The following ASTN2 variants were observed in gnomAD, a reference collection of about 807,000 sequenced individuals.
ASTN2 encodes the protein astrotactin 2, also known as astrotactin-2.
Under a neutral mutation model 139.8 loss-of-function variants are expected in ASTN2, and 54 were observed. The observed-to-expected ratio is 0.39, with a 90% CI of 0.31 to 0.48. ASTN2 has a LOEUF of 0.48. Ranked by LOEUF, ASTN2 falls within the 20% of genes least tolerant of loss-of-function variation. The probability of loss-of-function intolerance (pLI) is 0.95; values close to 1 mark genes in which losing one functional copy is unlikely to be tolerated. For missense variants in ASTN2, 1,565 were observed against 1,725.1 expected, an observed-to-expected ratio of 0.91 and a Z score of 1.64; for synonymous variants, 756 against 719.5, an observed-to-expected ratio of 1.05 and a Z score of -0.81.
chr9:116,696,950 TAAAAAAAAA>T (rs11400163), intron 16 of ASTN2, among the ~76,000 whole-genome samples: 1 of 137,124 alleles, frequency 7.3e-6, no homozygotes, highest in African/African-American at 2.7e-5. Context: ...GTGACATGAT[TAAAAAAAAA>T]AAAAAAAGCC....
chr9:116,702,277 T>C (rs1827845964), intron 16 of ASTN2, among the ~76,000 whole-genome samples: 1 of 152,040 alleles, frequency 6.6e-6, no homozygotes, highest in Non-Finnish European at 1.5e-5. Context: ...AAATGATGGC[T>C]GTTACTCTTT....
Position 116,423,660 on chromosome 9 carries a change from C to G in ASTN2, c.*2191G>C, listed in dbSNP as rs532196721. ...CTGTATACTTAGAGAAACATAAACC[C>G]AATAATAGTAAACTTCCTGAAAGAG... On this transcript the variant is annotated 3_prime_UTR_variant, in exon 23 of 23. Transcript: ENST00000313400. Among the ~76,000 whole-genome samples, 1 of 152,214 alleles carries G rather than the reference C, an allele frequency of 6.6e-6. No homozygotes were observed. Among genetic ancestry groups the G allele is most frequent in the East Asian group, 1.9e-4 (1 of 5,188 alleles).
intron 19 of ASTN2, among the ~76,000 whole-genome samples, chr9:116,600,323 CAAAAAAAAAA>C (rs35224783): frequency 8.4e-6 from 1 of 118,944 alleles, no homozygotes; most frequent in Non-Finnish European, 1.7e-5. Context: ...GACCCTGTCT[CAAAAAAAAAA>C]AAAAAAAAAA....
intron 10 of ASTN2, among the ~76,000 whole-genome samples, chr9:116,950,620 TAC>T (rs1325927760): frequency 1.3e-5 from 2 of 152,298 alleles, no homozygotes; most frequent in Admixed American, 6.5e-5. Flanking sequence ...CATGGGAAGT[TAC>T]AGTTTTCCTT....
intron 10 of ASTN2, among the ~76,000 whole-genome samples, chr9:116,914,601 T>C (rs1834395798): frequency 6.6e-6 from 1 of 150,814 alleles, no homozygotes; most frequent in Non-Finnish European, 1.5e-5. Context: ...ACAATCTCAA[T>C]CTCAGTCTTC....
chr9:116,485,747 A>G (rs988357925), intron 20 of ASTN2, among the ~76,000 whole-genome samples: 4 of 152,204 alleles, frequency 2.6e-5, no homozygotes, highest in Non-Finnish European at 5.9e-5. Context: ...CCCCCAGGTG[A>G]CTTAATATAA....
At chr9:117,397,165 A>G (rs1830699795) in intron 1 of ASTN2, among the ~76,000 whole-genome samples, 1 of 150,420 alleles carries the variant, frequency 6.6e-6, no homozygotes, top group South Asian at 2.1e-4. Flanking sequence ...TTGTTCTCCA[A>G]CTCCCAAAGT....
chr9:116,864,232 A>G (rs1304778446), intron 10 of ASTN2, among the ~76,000 whole-genome samples: 1 of 152,198 alleles, frequency 6.6e-6, no homozygotes, highest in Non-Finnish European at 1.5e-5. Flanking sequence ...TTGTGAATAT[A>G]AAATTGAAAC....
intron 4 of ASTN2, among the ~76,000 whole-genome samples, chr9:117,103,804 G>A (rs947119773): frequency 3.3e-5 from 5 of 152,152 alleles, no homozygotes; most frequent in African/African-American, 1.2e-4. Context: ...ACCATCTAGG[G>A]AATACAAATG....
chr9:117,375,082 G>A (rs533926762), intron 1 of ASTN2, among the ~76,000 whole-genome samples: 32 of 152,232 alleles, frequency 2.1e-4, no homozygotes, highest in South Asian at 6.2e-4. Context: ...TTCCCTCCCA[G>A]CACGTTCAGT....
chr9:117,130,945 A>G (rs928356349), intron 4 of ASTN2, among the ~76,000 whole-genome samples: 8 of 152,210 alleles, frequency 5.3e-5, no homozygotes, highest in Admixed American at 2.0e-4. Flanking sequence ...CAGGCAGTCT[A>G]TCTCATATCC....
chr9:116,651,898 T>C (rs1857937246), intron 16 of ASTN2, 105 bp from the exon 17 acceptor site: 1 of 1,384,628 alleles, frequency 7.2e-7, no homozygotes, highest in Non-Finnish European at 9.8e-7. Flanking sequence ...TGGTATCCAT[T>C]GAGGAAGTAA....
intron 10 of ASTN2, among the ~76,000 whole-genome samples, chr9:116,906,620 C>T (rs1834169243): frequency 6.6e-6 from 1 of 152,072 alleles, no homozygotes; most frequent in Admixed American, 6.5e-5. Context: ...CTTATGTGCC[C>T]CTCACCACCT....
At chr9:117,247,118 T>C (rs1017991939) in intron 2 of ASTN2, among the ~76,000 whole-genome samples, 3 of 152,014 alleles carry the variant, frequency 2.0e-5, no homozygotes, top group Non-Finnish European at 4.4e-5. Context: ...ATCCAGAATT[T>C]TGTAGAGAAG....
chr9:116,883,819 C>A (rs541195777), intron 10 of ASTN2, among the ~76,000 whole-genome samples: 1 of 152,322 alleles, frequency 6.6e-6, no homozygotes, highest in Non-Finnish European at 1.5e-5. Flanking sequence ...AATAGAACTA[C>A]CATCTACAAG....
At chr9:116,619,305 T>C (rs560861279) in intron 18 of ASTN2, among the ~76,000 whole-genome samples, 1 of 152,138 alleles carries the variant, frequency 6.6e-6, no homozygotes, top group African/African-American at 2.4e-5. Context: ...TGACTTTCCT[T>C]TACTTCCTCA....
At chr9:116,663,279 G>T (rs1334623376) in intron 16 of ASTN2, among the ~76,000 whole-genome samples, 1 of 152,150 alleles carries the variant, frequency 6.6e-6, no homozygotes, top group Non-Finnish European at 1.5e-5. Flanking sequence ...GACCAACAAG[G>T]TATACCAGCC....
chr9:116,735,738 C>A (rs1292206038), intron 13 of ASTN2, among the ~76,000 whole-genome samples: 1 of 152,204 alleles, frequency 6.6e-6, no homozygotes, highest in Non-Finnish European at 1.5e-5. Context: ...TCACTCTGGG[C>A]AGGAGAGGCT....
chr9:116,425,993 A>G lies in ASTN2; in HGVS notation c.3878T>C (p.Val1293Ala), dbSNP rs1283735820. 1 of 1,614,130 alleles carries G rather than the reference A, an allele frequency of 6.2e-7. No individual in the cohort carries two copies. The highest frequency in any genetic ancestry group is 1.1e-5 in the South Asian group (1 of 91,082). Residue 1293 changes from valine to alanine, a missense_variant, in exon 23 of 23, where the codon GTG becomes GCG. Around this residue, in one of 4 missense-constraint regions of ASTN2, gnomAD observed 418 missense variants for 465.8 expected, o/e 0.90. Coordinates refer to ENST00000313400, the MANE Select transcript of ASTN2 (RefSeq NM_001365068.1). ...SAYIQSRVET[V>A]PYLFCRSEEV... is the part of the protein sequence containing the mutation. Reference sequence around the variant, plus strand: ...CTCGCTGCGGCAGAAAAGATAGGGCACTGTTTCCACGCGGCTCTGGATGTA... The same window carrying G: ...CTCGCTGCGGCAGAAAAGATAGGGCGCTGTTTCCACGCGGCTCTGGATGTA...
Sources: allele counts gnomAD v4.1 joint callset (sites outside exome capture counted in the v4.1 genomes callset), GRCh38; gene constraint gnomAD v4.1.1; regional missense constraint gnomAD v4.1.1; transcripts MANE v1.5; gene names NCBI Gene and HGNC (gene_info 2026-07-23, HGNC 2026-07-21).